The following ATP5F1A variants were observed in gnomAD, a reference collection of about 807,000 sequenced individuals.
The protein encoded by ATP5F1A is ATP synthase F1 subunit alpha, also known as ATP synthase F(1) complex subunit alpha, mitochondrial.
A neutral mutation model predicts 57.4 loss-of-function variants in ATP5F1A; 24 were observed. The observed-to-expected ratio is 0.42, with a 90% CI of 0.30 to 0.59. The LOEUF (loss-of-function observed/expected upper bound fraction) is 0.59, where lower values mean the gene tolerates loss of function less well. ATP5F1A is among the 20% of genes least tolerant of loss of function. ATP5F1A has a pLI of 0.19. For synonymous variants in ATP5F1A, 251 were observed against 255.5 expected (o/e 0.98, Z 0.17); for missense variants, 494 against 707.9 (o/e 0.70, Z 3.43).
In ATP5F1A at chr18:46,088,238, C is replaced by T; in HGVS notation, c.670G>A (p.Asp224Asn). 6.3e-7 allele frequency: 1 copy of T among 1,583,112 alleles called. No homozygotes were observed. Residue 224 changes from aspartate (D) to asparagine (N), a missense_variant, in exon 6 of 12, where the codon GAC (aspartate) becomes AAC (asparagine). Around this residue, in one of 6 missense-constraint regions of ATP5F1A, gnomAD observed 191 missense variants for 267.7 expected, o/e 0.71. Transcript: ENST00000398752. Reference sequence around the variant, plus strand: ...AAACGTTTCTGGTTAATGATTGTGTCAATAGCAATTGAGGTTTTCCTTTAA... The same window carrying T: ...AAACGTTTCTGGTTAATGATTGTGTTAATAGCAATTGAGGTTTTCCTTTAA... ...RQTGKTSIAI[D>N]TIINQKRFND... is the part of the protein sequence containing the mutation.
At chr18:46,084,432 G>C (rs1396509301) in intron 11 of ATP5F1A, 69 bp from the exon 12 acceptor site, 3 of 1,576,234 alleles carry the variant, frequency 1.9e-6, no homozygotes, top group Non-Finnish European at 2.6e-6. Context: ...CCTAACTACA[G>C]ATTTGAAAAT....
intron 1 of ATP5F1A, among the ~76,000 whole-genome samples, chr18:46,097,108 G>A (rs1419476687): frequency 6.6e-6 from 1 of 151,824 alleles, no homozygotes; most frequent in Non-Finnish European, 1.5e-5. Context: ...CAGCCACCTG[G>A]AACTTCCTTC....
In ATP5F1A at chr18:46,089,698, C is replaced by T. The variant is rs1364809596; in HGVS notation, c.518G>A (p.Gly173Asp). ...AGGAATGATACCGGGGGCTTTCAGA[C>T]CAACTCGCCTACGCGTCTTGGAACC... ...PIGSKTRRRVGLKAPGIIPRI... is the reference protein window; with the variant it reads ...PIGSKTRRRVDLKAPGIIPRI... Residue 173 changes from glycine (G) to aspartate (D), a missense_variant, in exon 5 of 12, where the codon GGT (glycine) becomes GAT (aspartate). Gly to Asp is a moderately conservative substitution (Grantham distance 94, BLOSUM62 -1). Transcript: ENST00000398752. The T allele has an allele frequency of 6.2e-7, 1 of 1,614,068 alleles. No homozygotes were observed. The highest frequency in any genetic ancestry group is 1.3e-5 in the African/African-American group (1 of 75,050).
At chr18:46,090,252 T>A (rs1226844488) in intron 3 of ATP5F1A, among the ~76,000 whole-genome samples, 1 of 152,188 alleles carries the variant, frequency 6.6e-6, no homozygotes, top group Non-Finnish European at 1.5e-5. Flanking sequence ...CAAATAACTA[T>A]TACAGAAGCA....
At chr18:46,100,201 C>T (rs1911228624), upstream of ATP5F1A, among the ~76,000 whole-genome samples, 1 of 141,142 alleles carries the variant, frequency 7.1e-6, no homozygotes, top group South Asian at 2.2e-4. Flanking sequence ...CAGTGAGCCC[C>T]AGATTGCACC....
chr18:46,089,778 T>C (rs1374128180), intron 4 of ATP5F1A, 45 bp downstream of exon 4: 2 of 1,610,864 alleles, frequency 1.2e-6, no homozygotes, highest in Non-Finnish European at 1.7e-6. Context: ...TCAGTTTTGA[T>C]GTTTGTTAGA....
intron 1 of ATP5F1A, 116 bp downstream of exon 1, chr18:46,098,056 A>G (rs1458463535): frequency 2.1e-6 from 3 of 1,440,680 alleles, no homozygotes; most frequent in Non-Finnish European, 2.7e-6. Flanking sequence ...CCACGGGTGC[A>G]AGATGGCGGC....
chr18:46,084,573 A>T lies in ATP5F1A; in HGVS notation c.1511T>A (p.Ile504Asn), dbSNP rs754895860. Residue 504 changes from isoleucine to asparagine, a missense_variant, in exon 11 of 12, where the codon ATT becomes AAT. Coordinates refer to ENST00000398752, the MANE Select transcript of ATP5F1A (RefSeq NM_004046.6). Reference protein sequence around the residue: ...GYLDKLEPSKITKFENAFLSH... With the variant: ...GYLDKLEPSKNTKFENAFLSH... The stretch of plus-strand genomic sequence containing the variant: ...CAAGAAAGCATTCTCAAACTTTGTA[A>T]TCTTGCTGGGCTCCAGTTTATCAAG... 5 of 1,613,074 alleles carry T rather than the reference A, an allele frequency of 3.1e-6. No individual in the cohort carries two copies. Among genetic ancestry groups the T allele is most frequent in the Non-Finnish European group, 2.5e-6 (3 of 1,179,788 alleles).
At chr18:46,104,066 C>T (rs1911374625) in intron 1 of ATP5F1A, 1 of 266,002 alleles carries the variant, frequency 3.8e-6, no homozygotes, top group East Asian at 6.7e-5. Context: ...AAGAACCAAA[C>T]GTTTCAAGTA....
At chr18:46,101,150 G>T (rs531838501), upstream of ATP5F1A, among the ~76,000 whole-genome samples, 1 of 152,294 alleles carries the variant, frequency 6.6e-6, no homozygotes, top group South Asian at 2.1e-4. Context: ...TTACATTTTT[G>T]GAGCAATGTT....
chr18:46,088,503 T>A (rs1910294421), intron 5 of ATP5F1A: 1 of 307,164 alleles, frequency 3.3e-6, no homozygotes. Context: ...GATTTAGGGC[T>A]GTGCAGGATG....
At chr18:46,100,352 T>C (rs1310593823), upstream of ATP5F1A, among the ~76,000 whole-genome samples, 1 of 151,372 alleles carries the variant, frequency 6.6e-6, no homozygotes, top group Non-Finnish European at 1.5e-5. Context: ...ATTTAAAACA[T>C]TTGGGAAGCA....
chr18:46,086,002 A>G (rs773549916), intron 10 of ATP5F1A, 111 bp downstream of exon 10: 48 of 1,185,478 alleles, frequency 4.0e-5, no homozygotes, highest in Non-Finnish European at 4.9e-5. Context: ...GATGAAAGAT[A>G]ACAGATAACA....
intron 1 of ATP5F1A, among the ~76,000 whole-genome samples, chr18:46,096,949 A>G (rs2578184): frequency 0.13 from 18,632 of 141,006 alleles, 1,580 homozygotes; most frequent in East Asian, 0.37. Context: ...CGCCATTGCA[A>G]TCCAGCCTGG....
chr18:46,094,986 T>C, intron 2 of ATP5F1A, 67 bp downstream of exon 2: 1 of 1,516,892 alleles, frequency 6.6e-7, no homozygotes. Context: ...TCACCACAGT[T>C]ATACGATGTA....
chr18:46,085,661 G>A (rs1359839777), intron 10 of ATP5F1A: 1 of 162,288 alleles, frequency 6.2e-6, no homozygotes, highest in African/African-American at 2.4e-5. Flanking sequence ...GCCGGGCATG[G>A]GGGCTCACAC....
At chr18:46,097,978 C>G (rs529297393) in intron 1 of ATP5F1A, 194 bp downstream of exon 1, 2 of 1,409,372 alleles carry the variant, frequency 1.4e-6, no homozygotes, top group East Asian at 5.2e-5. Context: ...TGCCCTGTAC[C>G]ATTCTGCCTC....
Position 46,084,308 on chromosome 18 carries a change from T to C in ATP5F1A, c.1636A>G (p.Asn546Asp), listed in dbSNP as rs750444988. ...TAAGCTTCAAATCCAGCCAAGAAAT[T>C]TGTTACAATCTCTTTCAGCTTTGCA... is the stretch of plus-strand genomic sequence containing the variant. Reference protein sequence around the residue: ...SDAKLKEIVTNFLAGFEA With the variant: ...SDAKLKEIVTDFLAGFEA The change falls in exon 12 of 12, where the codon AAT (asparagine) becomes GAT (aspartate). Residue 546 changes from asparagine to aspartate, a missense_variant. Asn to Asp is a conservative substitution (Grantham distance 23, BLOSUM62 1). This residue lies in a region of ATP5F1A where 127 missense variants were observed against 195.2 expected (regional missense o/e 0.65). Coordinates refer to ENST00000398752, the MANE Select transcript of ATP5F1A (RefSeq NM_004046.6). 6.2e-7 allele frequency: 1 copy of C among 1,612,968 alleles called. No homozygotes were observed. Among genetic ancestry groups the C allele is most frequent in the South Asian group, 1.1e-5 (1 of 90,874 alleles).
upstream of ATP5F1A, among the ~76,000 whole-genome samples, chr18:46,102,106 G>A (rs563939890): frequency 1.3e-5 from 2 of 151,048 alleles, no homozygotes; most frequent in South Asian, 2.1e-4. Context: ...CCCGGGAGGC[G>A]GAGCTTGCAG....
Sources: gnomAD v4.1 joint callset for allele counts (sites outside exome capture counted in the v4.1 genomes callset) on GRCh38, gnomAD v4.1.1 for gene constraint, gnomAD v4.1.1 regional missense constraint, MANE v1.5 for transcripts, NCBI Gene and HGNC (gene_info 2026-07-23, HGNC 2026-07-21) for gene names.